Variants in RALGAPA1 observed in about 807,000 individuals in gnomAD.
RALGAPA1 encodes Ral GTPase activating protein catalytic subunit alpha 1.
In RALGAPA1, 52 loss-of-function variants were observed where a neutral mutation model predicts 269.6. The ratio of observed to expected loss-of-function variants is 0.19; its 90% CI spans 0.15 to 0.24. RALGAPA1 has a LOEUF of 0.24. RALGAPA1 is among the 10% of genes least tolerant of loss of function. The pLI is 1.00. For synonymous variants in RALGAPA1, 817 were observed against 1,008.3 expected (o/e 0.81, Z 3.60); for missense variants, 1,917 against 3,013.9 (o/e 0.64, Z 8.52).
intron 1 of RALGAPA1, among the ~76,000 whole-genome samples, chr14:35,798,955 C>T (rs8019985): frequency 0.022 from 3,278 of 150,168 alleles, 118 homozygotes; most frequent in African/African-American, 0.075. Flanking sequence ...AAGATTGCAC[C>T]ACTGCACTCC....
chr14:35,683,914 T>A lies in RALGAPA1; in HGVS notation c.4366A>T (p.Ser1456Cys), dbSNP rs2065682947. Residue 1456 changes from serine (S) to cysteine (C), a missense_variant, in exon 21 of 42, where the codon AGT becomes TGT. This residue lies in a region of RALGAPA1 where 615 missense variants were observed against 790.0 expected (regional missense o/e 0.78). Coordinates refer to ENST00000680220, the MANE Select transcript of RALGAPA1 (RefSeq NM_001346249.2). ...CTAGCCACTTCCTGCTCTTCAGCAC[T>A]CTGATGATGGCCAGAACCTGAATCC... ...DVDSGSGHHQ[S>C]AEEQEVASLT... 1 of 1,613,590 alleles carries A rather than the reference T, an allele frequency of 6.2e-7. No individual in the cohort carries two copies. The highest frequency in any genetic ancestry group is 8.5e-7 in the Non-Finnish European group (1 of 1,179,664).
At chr14:35,805,533 AT>A (rs2077302892) in intron 1 of RALGAPA1, among the ~76,000 whole-genome samples, 1 of 151,752 alleles carries the variant, frequency 6.6e-6, no homozygotes, top group Non-Finnish European at 1.5e-5. Context: ...AAAACTCTAG[AT>A]AATGCAAACT....
chr14:35,621,275 T>G (rs978252411), intron 35 of RALGAPA1, among the ~76,000 whole-genome samples: 1 of 152,186 alleles, frequency 6.6e-6, no homozygotes, highest in African/African-American at 2.4e-5. Flanking sequence ...GGATTCCCTA[T>G]TTAATAAATG....
intron 13 of RALGAPA1, among the ~76,000 whole-genome samples, chr14:35,726,175 T>A (rs1188121652): frequency 1.3e-5 from 2 of 152,110 alleles, no homozygotes; most frequent in African/African-American, 4.8e-5. Context: ...AGATCCTAGA[T>A]CTAGATGTCA....
At position 35,689,126 on chromosome 14, in the gene RALGAPA1, T is replaced by C; in HGVS notation, c.3285A>G (p.Pro1095=). The change falls in exon 18 of 42, where the codon CCA becomes CCG. Residue 1095 remains proline (P), a synonymous_variant. Transcript: ENST00000680220. ...SVQINEKITV[P]HVMRAKKATL... ...TTGCTTTCTTGGCACGCATAACATG[T>C]GGGACAGTGATTTTTTCATTAATTT... 1 of 1,235,386 alleles carries C rather than the reference T, an allele frequency of 8.1e-7. No homozygotes were observed. Among genetic ancestry groups the C allele is most frequent in the Non-Finnish European group, 1.0e-6 (1 of 989,958 alleles). 76.5% of individuals were successfully genotyped at this position (1,235,386 alleles called of 1,614,324 possible). A position where few individuals can be genotyped will look rare whatever the true frequency, so the allele number is the denominator to read the frequency against.
intron 31 of RALGAPA1, among the ~76,000 whole-genome samples, chr14:35,644,815 G>A (rs142431591): frequency 1.3e-5 from 2 of 152,212 alleles, no homozygotes; most frequent in East Asian, 3.9e-4. Flanking sequence ...TAATGCATGT[G>A]GTGACGGGTT....
intron 37 of RALGAPA1, among the ~76,000 whole-genome samples, chr14:35,583,865 C>A (rs1184832269): frequency 1.3e-5 from 2 of 152,018 alleles, no homozygotes; most frequent in Non-Finnish European, 2.9e-5. Context: ...GTGAAATTAC[C>A]CTTCAGAAGT....
intron 26 of RALGAPA1, among the ~76,000 whole-genome samples, chr14:35,669,429 T>C (rs2064218427): frequency 1.3e-5 from 2 of 152,128 alleles, no homozygotes; most frequent in South Asian, 2.1e-4. Context: ...TAATTTTGTA[T>C]TTTTAGTAGA....
At chr14:35,778,185 A>G (rs1567212368) in intron 1 of RALGAPA1, among the ~76,000 whole-genome samples, 1 of 151,978 alleles carries the variant, frequency 6.6e-6, no homozygotes. Context: ...CTCAGCCTCC[A>G]AAAGTACCTG....
intron 33 of RALGAPA1, among the ~76,000 whole-genome samples, chr14:35,632,626 C>T (rs748322010): frequency 4.6e-5 from 7 of 152,206 alleles, no homozygotes; most frequent in Middle Eastern, 3.4e-3. Context: ...CACTCTGACC[C>T]GGCAAATGAT....
intron 40 of RALGAPA1, 79 bp from the exon 41 acceptor site, chr14:35,548,617 T>C: frequency 1.1e-6 from 1 of 945,122 alleles, no homozygotes; most frequent in Non-Finnish European, 1.6e-6. Context: ...TCATTTATTT[T>C]CTTACTGATT....
At chr14:35,562,018 T>A (rs1284405220) in intron 39 of RALGAPA1, among the ~76,000 whole-genome samples, 7 of 152,218 alleles carry the variant, frequency 4.6e-5, no homozygotes, top group Non-Finnish European at 8.8e-5. Flanking sequence ...TTATCTTCTC[T>A]TCTTTTGAAG....
intron 4 of RALGAPA1, among the ~76,000 whole-genome samples, chr14:35,763,776 GTA>G (rs61365812): frequency 0.14 from 21,185 of 148,526 alleles, 2,614 homozygotes; most frequent in East Asian, 0.41. Flanking sequence ...CCCGGGGTGT[GTA>G]TATATATATA....
rs768491421 is a variant in RALGAPA1 at position 35,627,784 on chromosome 14, G to A, written c.6163C>T (p.Pro2055Ser). The stretch of plus-strand genomic sequence containing the variant: ...ATATTTGGACTCTCAAAGAGTTCAG[G>A]AGAAAGTTCAGTACTTTCACTGTAA... ...NHYSESTELS[P>S]ELFESPNIQF... Residue 2055 changes from proline to serine, a missense_variant, in exon 34 of 42, where the codon CCT (proline) becomes TCT (serine). Pro to Ser is a moderately conservative substitution (Grantham distance 74). Around this residue, in one of 11 missense-constraint regions of RALGAPA1, gnomAD observed 346 missense variants for 566.1 expected, o/e 0.61. Transcript: ENST00000680220. The A allele has an allele frequency of 6.2e-7, 1 of 1,605,588 alleles. No homozygotes were observed. The highest frequency in any genetic ancestry group is 1.7e-5 in the Admixed American group (1 of 58,998).
chr14:35,719,581 T>C (rs1223161997), intron 16 of RALGAPA1, among the ~76,000 whole-genome samples: 2 of 152,340 alleles, frequency 1.3e-5, no homozygotes, highest in Admixed American at 6.5e-5. Flanking sequence ...CGCCAACATG[T>C]TAACAATGAT....
chr14:35,706,446 G>A (rs2067813874), intron 16 of RALGAPA1, among the ~76,000 whole-genome samples: 1 of 152,058 alleles, frequency 6.6e-6, no homozygotes, highest in Non-Finnish European at 1.5e-5. Context: ...CTCTAGTTGT[G>A]TGGGTCTTTC....
At chr14:35,548,457 A>T in intron 41 of RALGAPA1, 51 bp downstream of exon 41, 1 of 1,401,432 alleles carries the variant, frequency 7.1e-7, no homozygotes, top group Non-Finnish European at 9.8e-7. Flanking sequence ...AATTTTGAAA[A>T]AAGGAAATGG....
At position 35,651,878 on chromosome 14, in the gene RALGAPA1, A is replaced by G. The variant is rs2062847734; in HGVS notation, c.5608-5T>C. 3 of 1,454,252 alleles carry G rather than the reference A, an allele frequency of 2.1e-6. No individual in the cohort carries two copies. Among genetic ancestry groups the G allele is most frequent in the Admixed American group, 4.7e-5 (2 of 42,176 alleles). 90.1% of individuals were successfully genotyped at this position (1,454,252 alleles called of 1,614,324 possible). A position where few individuals can be genotyped will look rare whatever the true frequency, so the allele number is the denominator to read the frequency against. ...GGTGATGGTAGCTATTAGGATCTGT[A>G]AGCAAAAAAAAATTTTTTTAAAAGC... On this transcript the variant is annotated splice_region_variant and splice_polypyrimidine_tract_variant and intron_variant, in intron 30 of 41. Transcript: ENST00000680220.
At chr14:35,621,744 C>T (rs973723638) in intron 35 of RALGAPA1, among the ~76,000 whole-genome samples, 5 of 152,154 alleles carry the variant, frequency 3.3e-5, no homozygotes, top group African/African-American at 1.2e-4. Context: ...ATCTATGCAA[C>T]CAACAGACAC....
Sources: allele counts gnomAD v4.1 joint callset (sites outside exome capture counted in the v4.1 genomes callset), GRCh38; gene constraint gnomAD v4.1.1; regional missense constraint gnomAD v4.1.1; transcripts MANE v1.5; gene names NCBI Gene and HGNC (gene_info 2026-07-23, HGNC 2026-07-21).